The following SEPTIN12 variants were observed in gnomAD, a reference collection of about 807,000 sequenced individuals.
The protein encoded by SEPTIN12 is septin-12.
Under a neutral mutation model 37.7 loss-of-function variants are expected in SEPTIN12, and 42 were observed. That is an observed-to-expected ratio of 1.11 (90% CI 0.87 to 1.44). SEPTIN12 has a LOEUF of 1.44. Among genes scored for constraint, SEPTIN12 ranks in the 40% most tolerant of loss-of-function variants. SEPTIN12 has a pLI of 0.00. For synonymous variants in SEPTIN12, 254 were observed against 196.7 expected (o/e 1.29, Z -2.44); for missense variants, 613 against 479.2 (o/e 1.28, Z -2.61).
upstream of SEPTIN12, among the ~76,000 whole-genome samples, chr16:4,789,508 A>T (rs543962210): frequency 6.6e-6 from 1 of 151,804 alleles, no homozygotes; most frequent in South Asian, 2.1e-4. Context: ...TCCTATTTTT[A>T]GTAGAGACTG....
At chr16:4,783,829 G>T in intron 5 of SEPTIN12, 63 bp from the exon 6 acceptor site, 1 of 1,600,416 alleles carries the variant, frequency 6.2e-7, no homozygotes, top group Non-Finnish European at 8.6e-7. Flanking sequence ...GACAGCAGCA[G>T]GGCACGGGGG....
chr16:4,781,476 C>T (rs1403294068), intron 7 of SEPTIN12, among the ~76,000 whole-genome samples: 1 of 151,968 alleles, frequency 6.6e-6, no homozygotes, highest in African/African-American at 2.4e-5. Flanking sequence ...CTGACTACCA[C>T]CAATCTACTT....
chr16:4,779,765 C>T lies in SEPTIN12; in HGVS notation c.748G>A (p.Val250Ile), dbSNP rs1435131003. The change falls in exon 8 of 10, where the codon GTA becomes ATA. Residue 250 changes from valine to isoleucine, a missense_variant. Val to Ile is a conservative substitution (Grantham distance 29). Transcript: ENST00000268231. ...KLRDRIPFAV[V>I]GADQEHLVNG... ...ACCAGGTGCTCTTGGTCAGCCCCTA[C>T]CACGGCAAAAGGGATTCGGTCCTGG... is the stretch of plus-strand genomic sequence containing the variant. The T allele has an allele frequency of 1.2e-6, 2 of 1,612,960 alleles. No homozygotes were observed. Among genetic ancestry groups the T allele is most frequent in the Admixed American group, 1.7e-5 (1 of 59,996 alleles).
At chr16:4,789,160 G>T (rs138883091), upstream of SEPTIN12, among the ~76,000 whole-genome samples, 127 of 151,424 alleles carry the variant, frequency 8.4e-4, no homozygotes, top group African/African-American at 2.9e-3. Context: ...CTGGATTACC[G>T]GTGTGCACCA....
upstream of SEPTIN12, among the ~76,000 whole-genome samples, chr16:4,790,327 G>C (rs1248870104): frequency 6.6e-6 from 1 of 152,146 alleles, no homozygotes; most frequent in African/African-American, 2.4e-5. Flanking sequence ...TAAACAGATG[G>C]GCGTGGCTGT....
chr16:4,784,234 C>A, intron 4 of SEPTIN12, 166 bp from the exon 5 acceptor site: 1 of 668,818 alleles, frequency 1.5e-6, no homozygotes, highest in Admixed American at 2.7e-5. Context: ...CCTGCATCAT[C>A]AGAGACACAC....
At chr16:4,785,777 T>TAAAA in intron 4 of SEPTIN12, 30 bp downstream of exon 4, 16 of 1,195,490 alleles carry the variant, frequency 1.3e-5, no homozygotes, top group Admixed American at 4.3e-5. Context: ...AAACTCTGCC[T>TAAAA]AAAAAAAAAA....
intron 4 of SEPTIN12, among the ~76,000 whole-genome samples, chr16:4,785,237 G>A (rs1448008614): frequency 1.4e-5 from 2 of 146,850 alleles, no homozygotes; most frequent in African/African-American, 5.0e-5. Context: ...GGTGACAAGA[G>A]CGAGTCTGTC....
chr16:4,779,947 A>G (rs1216975913), intron 7 of SEPTIN12, among the ~76,000 whole-genome samples, 161 bp from the exon 8 acceptor site: 1 of 152,062 alleles, frequency 6.6e-6, no homozygotes, highest in Non-Finnish European at 1.5e-5. Flanking sequence ...ATAAAGTCTA[A>G]TTGGTGCCTC....
At position 4,787,647 on chromosome 16, in the gene SEPTIN12, G is replaced by A. The variant is rs953260926; in HGVS notation, c.-2C>T. 6 of 1,561,544 alleles carry A rather than the reference G, an allele frequency of 3.8e-6. No homozygotes were observed. Among genetic ancestry groups the A allele is most frequent in the African/African-American group, 1.3e-5 (1 of 74,378 alleles). On this transcript the variant is annotated 5_prime_UTR_variant, in exon 2 of 10. Coordinates refer to ENST00000268231, the MANE Select transcript of SEPTIN12 (RefSeq NM_144605.5). ...GGGGGAGCGCCTCAGGGGGTCCATG[G>A]GGGCCAAGGGTTCGAGATGCCTGTC...
upstream of SEPTIN12, among the ~76,000 whole-genome samples, chr16:4,791,063 G>A (rs1037923973): frequency 6.6e-6 from 1 of 152,208 alleles, no homozygotes; most frequent in African/African-American, 2.4e-5. Flanking sequence ...AGCAGTAGAC[G>A]TACCTCTGGG....
At chr16:4,786,353 C>CTTTT (rs949470758) in intron 2 of SEPTIN12, among the ~76,000 whole-genome samples, 1 of 126,212 alleles carries the variant, frequency 7.9e-6, no homozygotes, top group Non-Finnish European at 1.7e-5. Flanking sequence ...TTTTGCACTG[C>CTTTT]TTTTTTTTTT....
At chr16:4,783,247 G>A in intron 7 of SEPTIN12, 1 of 587,166 alleles carries the variant, frequency 1.7e-6, no homozygotes, top group Non-Finnish European at 3.1e-6. Context: ...GCCCCTTATT[G>A]GGTATGTGAT....
chr16:4,790,057 G>A (rs577676160), upstream of SEPTIN12: 1 of 152,008 alleles, frequency 6.6e-6, no homozygotes, highest in African/African-American at 2.4e-5. Context: ...TGGGACTTCA[G>A]GTACGTAGAC....
upstream of SEPTIN12, chr16:4,790,177 G>A (rs993058040): frequency 6.6e-6 from 1 of 152,146 alleles, no homozygotes; most frequent in African/African-American, 2.4e-5. Flanking sequence ...GCCTCCCAAA[G>A]CGCCACCACA....
intron 7 of SEPTIN12, 52 bp downstream of exon 7, chr16:4,783,410 G>A (rs1454849777): frequency 1.6e-6 from 2 of 1,275,718 alleles, no homozygotes; most frequent in East Asian, 4.6e-5. Flanking sequence ...GGATGGAAAG[G>A]ATGTGTGGGA....
At chr16:4,790,316 G>T (rs919418113), upstream of SEPTIN12, among the ~76,000 whole-genome samples, 7 of 152,148 alleles carry the variant, frequency 4.6e-5, no homozygotes, top group Admixed American at 4.6e-4. Flanking sequence ...CAGACAATAG[G>T]TAAACAGATG....
chr16:4,786,100 T>C lies in SEPTIN12; in HGVS notation c.172A>G (p.Ser58Gly). The C allele has an allele frequency of 1.2e-6, 2 of 1,605,712 alleles. No homozygotes were observed. Among genetic ancestry groups the C allele is most frequent in the East Asian group, 2.2e-5 (1 of 44,694 alleles). ...ACCATCGTGGACTTGCCCAGCCCGC[T>C]TTGCCCTGGGAGTGGCAACCGGATG... is the stretch of plus-strand genomic sequence containing the variant. ...FEFNIMVVGQSGLGKSTMVNT... is the reference protein window; with the variant it reads ...FEFNIMVVGQGGLGKSTMVNT... Residue 58 changes from serine (S) to glycine (G), a missense_variant, in exon 3 of 10, where the codon AGC (serine) becomes GGC (glycine). By Grantham distance (56) the Ser-to-Gly change is moderately conservative. Transcript: ENST00000268231.
chr16:4,783,805 G>T, intron 5 of SEPTIN12, 39 bp from the exon 6 acceptor site: 2 of 1,604,790 alleles, frequency 1.2e-6, no homozygotes, highest in Non-Finnish European at 1.7e-6. Flanking sequence ...GGCGGTGGTG[G>T]TGAGTGTATA....
Sources: gnomAD v4.1 joint callset for allele counts (sites outside exome capture counted in the v4.1 genomes callset) on GRCh38, gnomAD v4.1.1 for gene constraint, MANE v1.5 for transcripts, NCBI Gene and HGNC (gene_info 2026-07-23, HGNC 2026-07-21) for gene names.